CSF2RA: variants seen among roughly 807,000 people sequenced by gnomAD.
The protein encoded by CSF2RA is colony stimulating factor 2 receptor subunit alpha.
Under a neutral mutation model 51.6 loss-of-function variants are expected in CSF2RA, and 42 were observed. The ratio of observed to expected loss-of-function variants is 0.81; its 90% CI spans 0.64 to 1.05. The LOEUF (loss-of-function observed/expected upper bound fraction) is 1.05, where lower values mean the gene tolerates loss of function less well. Ranked by LOEUF, CSF2RA falls within the 50% of genes least tolerant of loss-of-function variation. The probability of loss-of-function intolerance (pLI) is 0.00; values close to 1 mark genes in which losing one functional copy is unlikely to be tolerated. For missense variants in CSF2RA, 530 were observed against 501.1 expected, an observed-to-expected ratio of 1.06 and a Z score of -0.55; for synonymous variants, 222 against 193.0, an observed-to-expected ratio of 1.15 and a Z score of -1.24.
At chrX:1,278,600 T>G (rs1365111861) in intron 2 of CSF2RA, among the ~76,000 whole-genome samples, 51 of 131,894 alleles carry the variant, frequency 3.9e-4, no homozygotes, top group African/African-American at 8.2e-4. Flanking sequence ...GCAGTAGAAT[T>G]GCTTCAACTT....
At chrX:1,279,182 C>A (rs1196936387) in intron 2 of CSF2RA, among the ~76,000 whole-genome samples, 2 of 149,942 alleles carry the variant, frequency 1.3e-5, no homozygotes. Flanking sequence ...GAAACCCCGT[C>A]TCTACTAAAA....
intron 7 of CSF2RA, among the ~76,000 whole-genome samples, chrX:1,291,308 TC>T: frequency 7.4e-6 from 1 of 135,400 alleles, no homozygotes; most frequent in Non-Finnish European, 1.6e-5. Context: ...CTTCCCTCCC[TC>T]CCTCCTTTCC....
the CSF2RA span, among the ~76,000 whole-genome samples, chrX:1,316,037 C>T: frequency 5.2e-4 from 29 of 56,136 alleles, no homozygotes; most frequent in African/African-American, 1.2e-3. Context: ...CATAGATAGA[C>T]CAATAGACAG....
At chrX:1,284,179 T>C (rs1178863233) in intron 3 of CSF2RA, among the ~76,000 whole-genome samples, 1 of 147,990 alleles carries the variant, frequency 6.8e-6, no homozygotes, top group Non-Finnish European at 1.5e-5. Flanking sequence ...TCAAGCGGTT[T>C]TCTTTCTCTG....
chrX:1,303,959 A>G lies in CSF2RA; in HGVS notation c.983A>G (p.Tyr328Cys), dbSNP rs1188297899. 2 of 1,613,182 alleles carry G rather than the reference A, an allele frequency of 1.2e-6. No individual in the cohort carries two copies. The highest frequency in any genetic ancestry group is 1.7e-5 in the Admixed American group (1 of 59,878). Residue 328 changes from tyrosine to cysteine, a missense_variant, in exon 11 of 13, where the codon TAT (tyrosine) becomes TGT (cysteine). Transcript: ENST00000381529. The part of the protein sequence containing the change: ...DDGNLGSVYI[Y>C]VLLIVGTLVC... The stretch of plus-strand genomic sequence containing the variant: ...GGGAACCTCGGCTCTGTGTACATTT[A>G]TGTGCTCCTAATCGTGGGAACCCTT...
chrX:1,307,448 T>TATTA (rs2148691713), intron 12 of CSF2RA, among the ~76,000 whole-genome samples: 1 of 136,974 alleles, frequency 7.3e-6, no homozygotes, highest in East Asian at 2.2e-4. Flanking sequence ...ACCTTCAGCT[T>TATTA]ATTAGATAAG....
chrX:1,309,952 G>A (rs2084081826), downstream of CSF2RA: 6 of 554,470 alleles, frequency 1.1e-5, no homozygotes, highest in South Asian at 1.0e-4. Flanking sequence ...GCTCATGCCT[G>A]TAATCCTAAC....
At chrX:1,317,313 A>G in the CSF2RA span, among the ~76,000 whole-genome samples, 75 of 101,752 alleles carry the variant, frequency 7.4e-4, no homozygotes, top group African/African-American at 2.9e-3. Context: ...GTGCAGTGGT[A>G]CAATCTCAGG....
chrX:1,311,435 C>G (rs1344405521), downstream of CSF2RA, among the ~76,000 whole-genome samples: 1 of 106,428 alleles, frequency 9.4e-6, no homozygotes, highest in Non-Finnish European at 1.7e-5. Context: ...CCAAATAAAC[C>G]TGTTTGTTTT....
chrX:1,308,473 G>C (rs1323362403), intron 12 of CSF2RA, among the ~76,000 whole-genome samples: 2 of 151,984 alleles, frequency 1.3e-5, no homozygotes, highest in Admixed American at 6.6e-5. Flanking sequence ...CTAAGGGTGA[G>C]AGACTTGCGT....
chrX:1,282,292 A>G, intron 2 of CSF2RA: 1 of 232,090 alleles, frequency 4.3e-6, no homozygotes, highest in Non-Finnish European at 8.6e-6. Flanking sequence ...TATTTCCCCA[A>G]ATCCACTAAT....
chrX:1,269,071 C>T (rs1441755801), intron 1 of CSF2RA, among the ~76,000 whole-genome samples, 192 bp downstream of exon 1: 2 of 152,002 alleles, frequency 1.3e-5, no homozygotes, highest in Admixed American at 6.6e-5. Context: ...GAGTTGTCTT[C>T]TGCCTTTGTT....
chrX:1,290,672 C>T (rs1296639809), intron 7 of CSF2RA, among the ~76,000 whole-genome samples, 163 bp downstream of exon 7: 1 of 152,066 alleles, frequency 6.6e-6, no homozygotes, highest in Non-Finnish European at 1.5e-5. Flanking sequence ...CAAAACCAGC[C>T]TGACCAACAT....
intron 7 of CSF2RA, among the ~76,000 whole-genome samples, chrX:1,292,784 G>A (rs764185568): frequency 6.6e-6 from 1 of 152,238 alleles, no homozygotes; most frequent in African/African-American, 2.4e-5. Flanking sequence ...GCAGGCAGGA[G>A]ACGGAGGGCT....
the CSF2RA span, among the ~76,000 whole-genome samples, chrX:1,316,059 A>AATAGATAGATATAGATAGATAG: frequency 6.7e-6 from 1 of 149,036 alleles, no homozygotes; most frequent in Non-Finnish European, 1.5e-5. Context: ...TAGATAGATC[A>AATAGATAGATATAGATAGATAG]ATAGATAGAT....
intron 1 of CSF2RA, among the ~76,000 whole-genome samples, chrX:1,271,920 AGATT>A (rs1396987593): frequency 6.6e-6 from 1 of 151,660 alleles, no homozygotes; most frequent in East Asian, 1.9e-4. Context: ...GACATGAGGC[AGATT>A]GATTAATAAG....
intron 8 of CSF2RA, among the ~76,000 whole-genome samples, chrX:1,295,016 TC>T: frequency 2.3e-5 from 1 of 43,522 alleles, no homozygotes; most frequent in Admixed American, 1.5e-4. Flanking sequence ...AGATCTTGTC[TC>T]ACAACCTCCT....
intron 12 of CSF2RA, among the ~76,000 whole-genome samples, chrX:1,308,038 CT>C (rs1252661107): frequency 6.7e-6 from 1 of 148,940 alleles, no homozygotes. Flanking sequence ...AGGCCCACCC[CT>C]CTTCAGACCT....
At chrX:1,321,385 C>T in the CSF2RA span, among the ~76,000 whole-genome samples, 1 of 151,956 alleles carries the variant, frequency 6.6e-6, no homozygotes, top group Non-Finnish European at 1.5e-5. Context: ...AGGTGAATGG[C>T]GTGAACCCGG....
Sources: allele counts gnomAD v4.1 joint callset (sites outside exome capture counted in the v4.1 genomes callset), GRCh38; gene constraint gnomAD v4.1.1; transcripts MANE v1.5; gene names NCBI Gene and HGNC (gene_info 2026-07-23, HGNC 2026-07-21).